Variants in GRIN2D observed in about 807,000 individuals in gnomAD.
GRIN2D encodes glutamate ionotropic receptor NMDA type subunit 2D.
In GRIN2D, 37 loss-of-function variants were observed where a neutral mutation model predicts 103.2. The observed-to-expected ratio is 0.36, with a 90% confidence interval of 0.28 to 0.47. GRIN2D has a LOEUF of 0.47. Among genes scored for constraint, GRIN2D ranks in the 20% least tolerant of loss-of-function variants. The pLI, the probability that GRIN2D is intolerant of heterozygous loss-of-function variation, is 1.00. For synonymous variants in GRIN2D, 845 were observed against 885.6 expected, an observed-to-expected ratio of 0.95 and a Z score of 0.81; for missense variants, 1,557 against 1,910.6, an observed-to-expected ratio of 0.81 and a Z score of 3.45.
chr19:48,434,963 C>T (rs755979194), intron 11 of GRIN2D, among the ~76,000 whole-genome samples: 15 of 152,016 alleles, frequency 9.9e-5, no homozygotes, highest in South Asian at 4.1e-4. Context: ...TAATTTATTT[C>T]GTATATTGAT....
intron 7 of GRIN2D, among the ~76,000 whole-genome samples, chr19:48,415,354 A>C (rs1276736179): frequency 6.6e-6 from 1 of 151,698 alleles, no homozygotes; most frequent in East Asian, 1.9e-4. Flanking sequence ...CTGGGCACAG[A>C]GTGAGACTCA....
At chr19:48,396,200 A>C (rs2147431408) in intron 2 of GRIN2D, among the ~76,000 whole-genome samples, 1 of 151,918 alleles carries the variant, frequency 6.6e-6, no homozygotes, top group East Asian at 1.9e-4. Flanking sequence ...GGGGTTGTCC[A>C]GAGGCTGGAC....
Position 48,405,090 on chromosome 19 carries a change from G to T in GRIN2D, c.822G>T (p.Met274Ile). The T allele has an allele frequency of 1.3e-6, 2 of 1,598,540 alleles. No individual in the cohort carries two copies. Among genetic ancestry groups the T allele is most frequent in the Non-Finnish European group, 1.7e-6 (2 of 1,172,040 alleles). ...CTGGATCTGGCTACGTCTGGTTCATGGTGGGGCCCCAGCTGGCTGGAGGCG... is the reference window on the plus strand; with the variant it reads ...CTGGATCTGGCTACGTCTGGTTCATTGTGGGGCCCCAGCTGGCTGGAGGCG... ...GLTGSGYVWF[M>I]VGPQLAGGGG... is the part of the protein sequence containing the mutation. The change falls in exon 4 of 14, where the codon ATG (methionine) becomes ATT (isoleucine). Residue 274 changes from methionine (M) to isoleucine (I), a missense_variant. This residue lies in a region of GRIN2D where 490 missense variants were observed against 601.1 expected (regional missense o/e 0.82). Transcript: ENST00000263269. The surrounding 1 kb of genome is among the most constrained non-coding windows in gnomAD (Gnocchi z 5.1).
At chr19:48,420,990 G>A (rs1314374306) in intron 10 of GRIN2D, among the ~76,000 whole-genome samples, 3 of 152,186 alleles carry the variant, frequency 2.0e-5, no homozygotes, top group Non-Finnish European at 4.4e-5. Flanking sequence ...CATACTTTGA[G>A]ACTAAAGTGA....
chr19:48,414,045 C>T lies in GRIN2D; in HGVS notation c.1140C>T (p.Gly380=), dbSNP rs763471429. The T allele has an allele frequency of 1.2e-6, 2 of 1,613,408 alleles. No homozygotes were observed. The highest frequency in any genetic ancestry group is 1.7e-5 in the Admixed American group (1 of 60,006). ...GGGATTACTCCTTCAATGAGGACGG[C>T]TTCCTAGTGAACCCCTCCCTGGTGG... ...DNRDYSFNED[G]FLVNPSLVVI... Residue 380 remains glycine, a synonymous_variant, in exon 5 of 14, where the codon GGC becomes GGT. Transcript: ENST00000263269. The surrounding 1 kb of genome is among the most constrained non-coding windows in gnomAD (Gnocchi z 4.6).
At chr19:48,395,522 G>C (rs1970628495) in intron 2 of GRIN2D, among the ~76,000 whole-genome samples, 1 of 152,072 alleles carries the variant, frequency 6.6e-6, no homozygotes, top group Admixed American at 6.6e-5. Context: ...GGTGAGGGGG[G>C]AGGAAACGGG....
In GRIN2D at chr19:48,421,763, A is replaced by G; in HGVS notation, c.2092-22A>G. On this transcript the variant is annotated intron_variant, in intron 10 of 13. Coordinates refer to ENST00000263269, the MANE Select transcript of GRIN2D (RefSeq NM_000836.4). The surrounding 1 kb of genome is among the most constrained non-coding windows in gnomAD (Gnocchi z 4.8). ...GGATGTCCCTGCGGAGGGTGCCCTA[A>G]TCACTCCCCATTCTGCCCCAGTTCC... 6.2e-7 allele frequency: 1 copy of G among 1,609,438 alleles called. No individual in the cohort carries two copies. Among genetic ancestry groups the G allele is most frequent in the Non-Finnish European group, 8.5e-7 (1 of 1,177,396 alleles).
At position 48,404,935 on chromosome 19, in the gene GRIN2D, C is replaced by T. The variant is rs1455455958; in HGVS notation, c.667C>T (p.Leu223=). The T allele has an allele frequency of 1.2e-6, 2 of 1,613,478 alleles. No individual in the cohort carries two copies. Among genetic ancestry groups the T allele is most frequent in the Non-Finnish European group, 1.7e-6 (2 of 1,179,850 alleles). ...CTGGGAGCACCGCGGAGCGCTGACG[C>T]TGGACCCTGGGGCGGGCGAGGCCGT... ...VGWEHRGALT[L]DPGAGEAVLS... is the part of the protein sequence containing the mutation. Residue 223 remains leucine, a synonymous_variant, in exon 4 of 14, where the codon CTG becomes TTG. Coordinates refer to ENST00000263269, the MANE Select transcript of GRIN2D (RefSeq NM_000836.4).
At position 48,443,413 on chromosome 19, in the gene GRIN2D, G is replaced by T. The variant is rs1391767657; in HGVS notation, c.3487G>T (p.Ala1163Ser). ...GGTCGACAAGCTCGGGGGCTGGCGC[G>T]CCGGGAGCTGGGACTACCTGCCCCC... ...WSVDKLGGWR[A>S]GSWDYLPPRS... is the part of the protein sequence containing the mutation. Residue 1163 changes from alanine to serine, a missense_variant, in exon 14 of 14, where the codon GCC becomes TCC. Ala to Ser is a moderately conservative substitution (Grantham distance 99). Around this residue, in one of 7 missense-constraint regions of GRIN2D, gnomAD observed 632 missense variants for 572.8 expected, o/e 1.10. Transcript: ENST00000263269. This position sits in a 1 kb window ranked among gnomAD's most constrained non-coding sequence, Gnocchi z 8.9. The T allele has an allele frequency of 2.8e-6, 4 of 1,404,590 alleles. No homozygotes were observed. Among genetic ancestry groups the T allele is most frequent in the Non-Finnish European group, 3.7e-6 (4 of 1,082,544 alleles). 87.0% of individuals were successfully genotyped at this position (1,404,590 alleles called of 1,614,324 possible).
chr19:48,395,280 C>A (rs1352841052), intron 2 of GRIN2D, among the ~76,000 whole-genome samples: 2 of 151,288 alleles, frequency 1.3e-5, no homozygotes. Context: ...CTGCATCAGT[C>A]CCCCCATCGC....
At chr19:48,402,925 A>ATGG (rs1444121385) in intron 3 of GRIN2D, among the ~76,000 whole-genome samples, 1 of 150,850 alleles carries the variant, frequency 6.6e-6, no homozygotes, top group African/African-American at 2.4e-5. Flanking sequence ...GGGGCCAGGC[A>ATGG]TGGTGGCTCA....
Position 48,414,685 on chromosome 19 carries a change from C to A in GRIN2D, c.1412+101C>A. ...CCCTCCTCCCTTGGGACCCAGGACC[C>A]ACAAAGCCCTCCAGCTTGGTGACCT... On this transcript the variant is annotated intron_variant, in intron 6 of 13. Coordinates refer to ENST00000263269, the MANE Select transcript of GRIN2D (RefSeq NM_000836.4). The surrounding 1 kb of genome is among the most constrained non-coding windows in gnomAD (Gnocchi z 4.6). 7.8e-7 allele frequency: 1 copy of A among 1,280,124 alleles called. No homozygotes were observed. Among genetic ancestry groups the A allele is most frequent in the Non-Finnish European group, 1.1e-6 (1 of 921,388 alleles). The allele number at this position is 1,280,124 out of a possible 1,614,324, so 79.3% of individuals were successfully genotyped here. A position where few individuals can be genotyped will look rare whatever the true frequency, so the allele number is the denominator to read the frequency against.
Position 48,405,218 on chromosome 19 carries a change from C to A in GRIN2D, c.950C>A (p.Ala317Asp). 6.2e-7 allele frequency: 1 copy of A among 1,602,106 alleles called. No homozygotes were observed. Among genetic ancestry groups the A allele is most frequent in the Non-Finnish European group, 8.5e-7 (1 of 1,178,302 alleles). ...TCGGCTGGCTGGCGGGATGACCTGGCTCGGCGAGTGGCAGCTGGCGTGGCC... is the reference window on the plus strand; with the variant it reads ...TCGGCTGGCTGGCGGGATGACCTGGATCGGCGAGTGGCAGCTGGCGTGGCC... ...VRSAGWRDDL[A>D]RRVAAGVAVV... The change falls in exon 4 of 14, where the codon GCT becomes GAT. Residue 317 changes from alanine to aspartate, a missense_variant. Around this residue, in one of 7 missense-constraint regions of GRIN2D, gnomAD observed 490 missense variants for 601.1 expected, o/e 0.82. Transcript: ENST00000263269. This position sits in a 1 kb window ranked among gnomAD's most constrained non-coding sequence, Gnocchi z 5.1.
At chr19:48,395,461 A>AG (rs1437588750) in intron 2 of GRIN2D, among the ~76,000 whole-genome samples, 1 of 151,788 alleles carries the variant, frequency 6.6e-6, no homozygotes, top group African/African-American at 2.4e-5. Flanking sequence ...GCCTCTTCCA[A>AG]GCATCAGGAT....
chr19:48,398,430 C>T lies in GRIN2D; in HGVS notation c.38C>T (p.Pro13Leu). 8.9e-7 allele frequency: 1 copy of T among 1,119,912 alleles called. No homozygotes were observed. The highest frequency in any genetic ancestry group is 1.1e-6 in the Non-Finnish European group (1 of 917,204). The allele number at this position is 1,119,912 out of a possible 1,614,324, so 69.4% of individuals were successfully genotyped here. Residue 13 changes from proline to leucine, a missense_variant, in exon 3 of 14, where the codon CCC becomes CTC. Transcript: ENST00000263269. Reference sequence around the variant, plus strand: ...GGTGGCCCCCGCGGCCCTCGGGGCCCCGCTAAGATGCTGCTGCTGCTGGCG... The same window carrying T: ...GGTGGCCCCCGCGGCCCTCGGGGCCTCGCTAAGATGCTGCTGCTGCTGGCG... ...GAGGPRGPRGPAKMLLLLALA... is the reference protein window; with the variant it reads ...GAGGPRGPRGLAKMLLLLALA...
intron 11 of GRIN2D, among the ~76,000 whole-genome samples, chr19:48,437,613 GTC>G (rs1051671551): frequency 3.3e-5 from 5 of 152,080 alleles, no homozygotes; most frequent in Non-Finnish European, 7.3e-5. Context: ...TGTAACTTGA[GTC>G]TCTCCTTCCA....
chr19:48,398,727 T>C lies in GRIN2D; in HGVS notation c.335T>C (p.Val112Ala). 1 of 1,467,142 alleles carries C rather than the reference T, an allele frequency of 6.8e-7. No individual in the cohort carries two copies. Among genetic ancestry groups the C allele is most frequent in the Non-Finnish European group, 9.0e-7 (1 of 1,115,716 alleles). 90.9% of individuals were successfully genotyped at this position (1,467,142 alleles called of 1,614,324 possible). ...QLCDLLSGLR[V>A]HGVVFEDDSR... ...TGCGACCTGCTGTCGGGGTTGCGCG[T>C]GCACGGCGTGGTCTTCGAAGACGAC... The change falls in exon 3 of 14, where the codon GTG (valine) becomes GCG (alanine). Residue 112 changes from valine to alanine, a missense_variant. Val to Ala is a moderately conservative substitution (Grantham distance 64). This residue lies in a region of GRIN2D where 490 missense variants were observed against 601.1 expected (regional missense o/e 0.82). Transcript: ENST00000263269.
intron 11 of GRIN2D, among the ~76,000 whole-genome samples, chr19:48,425,833 A>C (rs117775136): frequency 5.5e-4 from 84 of 152,260 alleles, no homozygotes; most frequent in Admixed American, 1.2e-3. Flanking sequence ...AGTGAGGTAC[A>C]AAAAGCGTGC....
At chr19:48,424,754 A>C (rs2147460474) in intron 11 of GRIN2D, among the ~76,000 whole-genome samples, 1 of 152,286 alleles carries the variant, frequency 6.6e-6, no homozygotes, top group East Asian at 1.9e-4. Context: ...CAAGTGATCC[A>C]CAGCCCTAGT....
Sources: allele counts gnomAD v4.1 joint callset (sites outside exome capture counted in the v4.1 genomes callset), GRCh38; gene constraint gnomAD v4.1.1; regional missense constraint gnomAD v4.1.1; non-coding constraint Gnocchi (gnomAD v3.1); transcripts MANE v1.5; gene names NCBI Gene and HGNC (gene_info 2026-07-23, HGNC 2026-07-21).